TNKS: variants seen among roughly 807,000 people sequenced by gnomAD.
TNKS encodes the protein tankyrase.
A neutral mutation model predicts 135.8 loss-of-function variants in TNKS; 72 were observed. The observed-to-expected ratio is 0.53, with a 90% CI of 0.44 to 0.64. The LOEUF is 0.64. Among genes scored for constraint, TNKS ranks in the 30% least tolerant of loss-of-function variants. TNKS has a pLI of 0.00. For missense variants in TNKS, 1,769 were observed against 1,674.0 expected (o/e 1.06, Z -0.99); for synonymous variants, 849 against 649.3 (o/e 1.31, Z -4.68).
intron 26 of TNKS, chr8:9,772,421 G>C (rs756948297): frequency 8.8e-6 from 4 of 455,280 alleles, no homozygotes; most frequent in African/African-American, 2.0e-5. Context: ...AAAAATACAT[G>C]ATGTAAGTCT....
At chr8:9,567,998 G>A (rs1023913974) in intron 1 of TNKS, among the ~76,000 whole-genome samples, 6 of 152,094 alleles carry the variant, frequency 3.9e-5, no homozygotes, top group Non-Finnish European at 7.4e-5. Flanking sequence ...GTCCTGGAGC[G>A]TTTCTTAATA....
chr8:9,694,041 C>G (rs1441130031), intron 5 of TNKS, among the ~76,000 whole-genome samples: 1 of 152,146 alleles, frequency 6.6e-6, no homozygotes, highest in Non-Finnish European at 1.5e-5. Flanking sequence ...TACAGAAAAA[C>G]AAAATACACT....
chr8:9,599,984 C>T (rs923187965), intron 2 of TNKS, among the ~76,000 whole-genome samples: 7 of 152,138 alleles, frequency 4.6e-5, no homozygotes, highest in Non-Finnish European at 7.4e-5. Flanking sequence ...ATTTTATTCA[C>T]ATGGATGAAT....
At chr8:9,601,427 T>C (rs1334538153) in intron 2 of TNKS, among the ~76,000 whole-genome samples, 1 of 152,208 alleles carries the variant, frequency 6.6e-6, no homozygotes, top group Non-Finnish European at 1.5e-5. Context: ...ATTGTTTGTA[T>C]TGCCTCTTCT....
chr8:9,721,320 A>ATATATAT (rs1804873589), intron 12 of TNKS, among the ~76,000 whole-genome samples: 1 of 146,912 alleles, frequency 6.8e-6, no homozygotes, highest in Admixed American at 6.9e-5. Flanking sequence ...ATAAAATTAT[A>ATATATAT]AAATTTTGCT....
chr8:9,560,872 T>A (rs972209417), intron 1 of TNKS, among the ~76,000 whole-genome samples: 1 of 152,168 alleles, frequency 6.6e-6, no homozygotes, highest in Non-Finnish European at 1.5e-5. Flanking sequence ...AAAAAAAGTT[T>A]ACAGAGAACT....
chr8:9,646,202 C>A (rs1800913878), intron 3 of TNKS, among the ~76,000 whole-genome samples: 1 of 151,782 alleles, frequency 6.6e-6, no homozygotes, highest in South Asian at 2.1e-4. Context: ...CTTGAGATTT[C>A]TTTTTTTATA....
intron 25 of TNKS, among the ~76,000 whole-genome samples, chr8:9,769,101 A>G (rs1431037807): frequency 1.3e-5 from 2 of 152,220 alleles, no homozygotes; most frequent in South Asian, 2.1e-4. Flanking sequence ...ATATATAATA[A>G]TTATTTTAGG....
At chr8:9,660,790 T>G (rs1385911114) in intron 3 of TNKS, among the ~76,000 whole-genome samples, 1 of 152,114 alleles carries the variant, frequency 6.6e-6, no homozygotes, top group Non-Finnish European at 1.5e-5. Context: ...AAAGAGGAAG[T>G]CAGATTGTCC....
chr8:9,761,642 C>A lies in TNKS; in HGVS notation c.3274+6C>A. The stretch of plus-strand genomic sequence containing the variant: ...ACTCTTAGGTGGACAACAAGGTAAG[C>A]TATTCAGAAAAAAAAAAAAATTTCA... On this transcript the variant is annotated splice_donor_region_variant and intron_variant, in intron 21 of 26. Transcript: ENST00000310430. The A allele has an allele frequency of 2.5e-6, 4 of 1,578,924 alleles. No individual in the cohort carries two copies. The highest frequency in any genetic ancestry group is 3.4e-6 in the Non-Finnish European group (4 of 1,170,508).
At chr8:9,704,642 G>A (rs1208529121) in intron 5 of TNKS, 21 bp from the exon 6 acceptor site, 2 of 1,587,758 alleles carry the variant, frequency 1.3e-6, no homozygotes, top group South Asian at 1.1e-5. Flanking sequence ...TACCTGAAAA[G>A]GGGATGTTTT....
intron 3 of TNKS, among the ~76,000 whole-genome samples, chr8:9,679,164 C>T (rs1465676907): frequency 1.3e-5 from 2 of 152,072 alleles, no homozygotes; most frequent in African/African-American, 2.4e-5. Flanking sequence ...TTACCCATGT[C>T]GCAGTAGTTA....
chr8:9,709,714 A>C (rs1804225496), intron 9 of TNKS, among the ~76,000 whole-genome samples: 1 of 152,242 alleles, frequency 6.6e-6, no homozygotes, highest in Admixed American at 6.5e-5. Flanking sequence ...GCTAAGCCAA[A>C]AGAAATAAGA....
intron 5 of TNKS, among the ~76,000 whole-genome samples, chr8:9,689,352 T>G (rs145872400): frequency 5.6e-4 from 85 of 152,318 alleles, no homozygotes; most frequent in South Asian, 1.4e-3. Context: ...TTTTCTCTAC[T>G]AAGAATGCCA....
At chr8:9,711,458 T>C (rs1804330849) in intron 11 of TNKS, among the ~76,000 whole-genome samples, 1 of 152,202 alleles carries the variant, frequency 6.6e-6, no homozygotes, top group Non-Finnish European at 1.5e-5. Flanking sequence ...TGGTAGAACT[T>C]TTATAAATAT....
chr8:9,604,957 C>G (rs1799159852), intron 2 of TNKS, among the ~76,000 whole-genome samples: 2 of 151,890 alleles, frequency 1.3e-5, no homozygotes, highest in East Asian at 1.9e-4. Flanking sequence ...TGTTTCTAAT[C>G]ACAGTCAGAC....
At chr8:9,616,276 A>T (rs942979200) in intron 3 of TNKS, among the ~76,000 whole-genome samples, 1 of 152,230 alleles carries the variant, frequency 6.6e-6, no homozygotes, top group African/African-American at 2.4e-5. Context: ...GCAAAGAGGA[A>T]ATGCTAGAAT....
intron 5 of TNKS, among the ~76,000 whole-genome samples, chr8:9,686,914 C>G (rs112998814): frequency 6.6e-6 from 1 of 151,732 alleles, no homozygotes; most frequent in African/African-American, 2.4e-5. Flanking sequence ...AAGTACCTTT[C>G]GACTCTAACA....
At chr8:9,762,641 GC>G (rs1480571496) in intron 21 of TNKS, among the ~76,000 whole-genome samples, 3 of 152,098 alleles carry the variant, frequency 2.0e-5, no homozygotes, top group Non-Finnish European at 4.4e-5. Flanking sequence ...AGTGGCTCAC[GC>G]CTGTAATCCC....
Sources: gnomAD v4.1 joint callset for allele counts (sites outside exome capture counted in the v4.1 genomes callset) on GRCh38, gnomAD v4.1.1 for gene constraint, MANE v1.5 for transcripts, NCBI Gene and HGNC (gene_info 2026-07-23, HGNC 2026-07-21) for gene names.